Variants in USF3 observed in about 807,000 individuals in gnomAD.
USF3 encodes the protein upstream transcription factor family member 3.
In USF3, 29 loss-of-function variants were observed where a neutral mutation model predicts 157.5. The observed-to-expected ratio is 0.18, with a 90% CI of 0.14 to 0.25. USF3 has a LOEUF of 0.25. Ranked by LOEUF, USF3 falls within the 10% of genes least tolerant of loss-of-function variation. USF3 has a pLI of 1.00. For missense variants in USF3, 2,381 were observed against 2,667.6 expected (o/e 0.89, Z 2.37); for synonymous variants, 893 against 941.4 (o/e 0.95, Z 0.94).
intron 1 of USF3, among the ~76,000 whole-genome samples, chr3:113,696,166 C>T (rs1707793551): frequency 6.6e-6 from 1 of 152,186 alleles, no homozygotes; most frequent in African/African-American, 2.4e-5. Flanking sequence ...ATGAGGGGTG[C>T]GCTCGCCGCG....
chr3:113,674,177 T>G (rs1354601207), intron 3 of USF3, among the ~76,000 whole-genome samples: 1 of 152,186 alleles, frequency 6.6e-6, no homozygotes, highest in African/African-American at 2.4e-5. Flanking sequence ...TCACAGAATG[T>G]CTATTCACAC....
At chr3:113,682,453 G>T (rs779059365) in intron 1 of USF3, among the ~76,000 whole-genome samples, 14 of 152,094 alleles carry the variant, frequency 9.2e-5, no homozygotes, top group Admixed American at 2.6e-4. Flanking sequence ...GCTGTTGGAT[G>T]AAATATTCTG....
At position 113,659,586 on chromosome 3, in the gene USF3, G is replaced by C; in HGVS notation, c.2096C>G (p.Pro699Arg). ...QIIQPTTSED[P>R]NTNVALNTFG... ...TGTATTCAGGGCAACATTGGTATTT[G>C]GATCTTCGCTGGTGGTGGGTTGAAT... Residue 699 changes from proline (P) to arginine (R), a missense_variant, in exon 7 of 7, where the codon CCA (proline) becomes CGA (arginine). Around this residue, in one of 6 missense-constraint regions of USF3, gnomAD observed 1,435 missense variants for 1,550.9 expected, o/e 0.93. Coordinates refer to ENST00000316407, the MANE Select transcript of USF3 (RefSeq NM_001009899.4). The C allele has an allele frequency of 6.2e-7, 1 of 1,613,982 alleles. No individual in the cohort carries two copies. Among genetic ancestry groups the C allele is most frequent in the South Asian group, 1.1e-5 (1 of 91,070 alleles).
chr3:113,691,757 C>T (rs944568667), intron 1 of USF3, among the ~76,000 whole-genome samples: 2 of 152,196 alleles, frequency 1.3e-5, no homozygotes, highest in Non-Finnish European at 2.9e-5. Context: ...CAAATTCAAT[C>T]TCTATTGTTT....
Position 113,657,435 on chromosome 3 carries a change from GT to G in USF3, c.4246del (p.Thr1416LeufsTer45). On this transcript the variant is annotated frameshift_variant, in exon 7 of 7. Coordinates refer to ENST00000316407, the MANE Select transcript of USF3 (RefSeq NM_001009899.4). LOFTEE classifies it high-confidence loss of function. Reference protein sequence around the residue: ...NNFVTPALRQTEVQCGSQPSV... With the variant: ...NNFVTPALRQXEVQCGSQPSV... ...AGGCTGAGAACCACACTGAACTTCA[GT>G]TTGCCTCAATGCAGGAGTCACAAAG... is the stretch of plus-strand genomic sequence containing the variant. The G allele has an allele frequency of 6.2e-7, 1 of 1,614,174 alleles. No homozygotes were observed. Among genetic ancestry groups the G allele is most frequent in the Non-Finnish European group, 8.5e-7 (1 of 1,180,024 alleles).
chr3:113,694,972 G>A (rs763053423), intron 1 of USF3, among the ~76,000 whole-genome samples: 33 of 152,208 alleles, frequency 2.2e-4, no homozygotes, highest in Non-Finnish European at 4.7e-4. Flanking sequence ...TTGAACCCAG[G>A]AGGCGGAGGT....
chr3:113,666,646 A>ACTG (rs1947574371), intron 5 of USF3, among the ~76,000 whole-genome samples: 1 of 140,066 alleles, frequency 7.1e-6, no homozygotes, highest in Admixed American at 8.1e-5. Flanking sequence ...ATCTCAGCTC[A>ACTG]CTGCAACCTC....
chr3:113,681,684 G>C (rs916793939), intron 1 of USF3, among the ~76,000 whole-genome samples: 3 of 149,140 alleles, frequency 2.0e-5, no homozygotes, highest in Non-Finnish European at 4.4e-5. Context: ...TTAGGCATGA[G>C]CCACCACACC....
At chr3:113,669,148 A>G (rs1707082924) in intron 5 of USF3, among the ~76,000 whole-genome samples, 1 of 152,186 alleles carries the variant, frequency 6.6e-6, no homozygotes, top group Non-Finnish European at 1.5e-5. Context: ...ACAGTTTTAA[A>G]AACATAAAAA....
rs780203713 is a variant in USF3, at chr3:113,657,645, T to C, written c.4037A>G (p.His1346Arg). The change falls in exon 7 of 7, where the codon CAC (histidine) becomes CGC (arginine). Residue 1346 changes from histidine to arginine, a missense_variant. This residue lies in a region of USF3 where 1,435 missense variants were observed against 1,550.9 expected (regional missense o/e 0.93). Transcript: ENST00000316407. ...LLLSSAKRQK[H>R]CQPAPLRLES... is the part of the protein sequence containing the mutation. ...AAGCCTGAGGGGGGCTGGCTGACAGTGCTTTTGACGTTTAGCTGAAGACAG... is the reference window on the plus strand; with the variant it reads ...AAGCCTGAGGGGGGCTGGCTGACAGCGCTTTTGACGTTTAGCTGAAGACAG... 1 of 1,614,202 alleles carries C rather than the reference T, an allele frequency of 6.2e-7. No homozygotes were observed. Among genetic ancestry groups the C allele is most frequent in the Admixed American group, 1.7e-5 (1 of 60,026 alleles).
chr3:113,662,098 T>C (rs1947495499), intron 6 of USF3, among the ~76,000 whole-genome samples: 1 of 152,224 alleles, frequency 6.6e-6, no homozygotes, highest in African/African-American at 2.4e-5. Context: ...CTGCCTGCCT[T>C]GGCCTCCCAA....
At chr3:113,692,371 T>C (rs2107965973) in intron 1 of USF3, among the ~76,000 whole-genome samples, 1 of 152,240 alleles carries the variant, frequency 6.6e-6, no homozygotes, top group East Asian at 1.9e-4. Flanking sequence ...AGAATACAAA[T>C]ATGTAAAAAA....
rs111579662 is a variant in USF3, at chr3:113,694,276, T to G, written c.-135+2094A>C. On this transcript the variant is annotated intron_variant, in intron 1 of 6. Transcript: ENST00000316407. ...TTGAAGCTTGTATTCTAACCTGAGTTAAAAATTCTCAGTTTTCTTAGTGTT... is the reference window on the plus strand; with the variant it reads ...TTGAAGCTTGTATTCTAACCTGAGTGAAAAATTCTCAGTTTTCTTAGTGTT... 1.4e-4 allele frequency among the ~76,000 whole-genome samples: 21 copies of G among 152,340 alleles called. 2 individuals carry two copies. The highest frequency in any genetic ancestry group is 5.1e-4 in the African/African-American group (21 of 41,584).
Position 113,660,186 on chromosome 3 carries a change from G to A in USF3, c.1496C>T (p.Pro499Leu), listed in dbSNP as rs747809328. ...CTGCATAGGTAAAGATGGACAAGAA[G>A]GCAATGTTACAACTACTTGCTCAAC... is the stretch of plus-strand genomic sequence containing the variant. ...QPVEQVVVTL[P>L]SCPSLPMQPL... is the part of the protein sequence containing the mutation. The change falls in exon 7 of 7, where the codon CCT (proline) becomes CTT (leucine). Residue 499 changes from proline (P) to leucine (L), a missense_variant. Pro to Leu is a moderately conservative substitution (Grantham distance 98). Around this residue, in one of 6 missense-constraint regions of USF3, gnomAD observed 1,435 missense variants for 1,550.9 expected, o/e 0.93. Transcript: ENST00000316407. The A allele has an allele frequency of 6.2e-7, 1 of 1,614,172 alleles. No homozygotes were observed. The highest frequency in any genetic ancestry group is 1.1e-5 in the South Asian group (1 of 91,072).
intron 1 of USF3, among the ~76,000 whole-genome samples, chr3:113,690,830 A>G (rs1707666891): frequency 6.6e-6 from 1 of 152,126 alleles, no homozygotes; most frequent in Non-Finnish European, 1.5e-5. Context: ...TTCTTACATA[A>G]TGTCCCTTTT....
rs1302103766 is a variant in USF3, at chr3:113,659,199, G to C, written c.2483C>G (p.Thr828Ser). Residue 828 changes from threonine to serine, a missense_variant, in exon 7 of 7, where the codon ACT (threonine) becomes AGT (serine). By Grantham distance (58) the Thr-to-Ser change is moderately conservative. Coordinates refer to ENST00000316407, the MANE Select transcript of USF3 (RefSeq NM_001009899.4). The part of the protein sequence containing the change: ...RDVSKLDCPN[T>S]EGSAEPPCND... ...ACAGGGTGGCTCTGCTGAGCCTTCA[G>C]TGTTGGGGCAGTCTAACTTGCTCAC... 2.5e-6 allele frequency: 4 copies of C among 1,614,092 alleles called. No individual in the cohort carries two copies. The highest frequency in any genetic ancestry group is 2.7e-5 in the African/African-American group (2 of 74,928).
At chr3:113,666,847 C>T (rs1947578239) in intron 5 of USF3, among the ~76,000 whole-genome samples, 1 of 152,090 alleles carries the variant, frequency 6.6e-6, no homozygotes. Flanking sequence ...CTCGGTCTCC[C>T]AAAGTGCTGG....
In USF3 at chr3:113,658,910, T is replaced by C. The variant is rs1377018923; in HGVS notation, c.2772A>G (p.Lys924=). ...PNLQQETSQD[K]PPSSLALSDA... The stretch of plus-strand genomic sequence containing the variant: ...CTGATAATGCTAAACTACTTGGTGG[T>C]TTATCCTGAGATGTCTCTTGTTGTA... Residue 924 remains lysine (K), a synonymous_variant, in exon 7 of 7, where the codon AAA becomes AAG. Transcript: ENST00000316407. The C allele has an allele frequency of 1.9e-6, 3 of 1,614,226 alleles. No homozygotes were observed. The highest frequency in any genetic ancestry group is 2.5e-6 in the Non-Finnish European group (3 of 1,180,050).
chr3:113,657,951 A>C lies in USF3; in HGVS notation c.3731T>G (p.Leu1244Arg). Residue 1244 changes from leucine to arginine, a missense_variant, in exon 7 of 7, where the codon CTT becomes CGT. Around this residue, in one of 6 missense-constraint regions of USF3, gnomAD observed 1,435 missense variants for 1,550.9 expected, o/e 0.93. Coordinates refer to ENST00000316407, the MANE Select transcript of USF3 (RefSeq NM_001009899.4). The part of the protein sequence containing the change: ...PSITSLSVNN[L>R]IHQSSISHPL... ...ATGGCTGATGCTGCTCTGATGGATA[A>C]GATTATTCACACTTAAACTGGTGAT... 6.2e-7 allele frequency: 1 copy of C among 1,614,190 alleles called. No individual in the cohort carries two copies. Among genetic ancestry groups the C allele is most frequent in the South Asian group, 1.1e-5 (1 of 91,082 alleles).
Sources: gnomAD v4.1 joint callset for allele counts (sites outside exome capture counted in the v4.1 genomes callset) on GRCh38, gnomAD v4.1.1 for gene constraint, gnomAD v4.1.1 regional missense constraint, MANE v1.5 for transcripts, NCBI Gene and HGNC (gene_info 2026-07-23, HGNC 2026-07-21) for gene names.